LGALS8: variants seen among roughly 807,000 people sequenced by gnomAD.
The protein encoded by LGALS8 is galectin-8.
In LGALS8, 30 loss-of-function variants were observed where a neutral mutation model predicts 35.9. The observed-to-expected ratio is 0.83, with a 90% CI of 0.62 to 1.13. The LOEUF is 1.13. Among genes scored for constraint, LGALS8 ranks in the 50% most tolerant of loss-of-function variants. The probability of loss-of-function intolerance (pLI) is 0.00; values close to 1 mark genes in which losing one functional copy is unlikely to be tolerated. For missense variants in LGALS8, 366 were observed against 388.7 expected (o/e 0.94, Z 0.49); for synonymous variants, 138 against 136.1 (o/e 1.01, Z -0.10).
rs1181035827 is a variant in LGALS8, at chr1:236,550,239, T to TGTGTGAGCAGCCAG, written c.*2087_*2100dup. On this transcript the variant is annotated 3_prime_UTR_variant, in exon 10 of 10. Transcript: ENST00000366584. ...TGCCACCCAGTGTTTCTGGGCCCTC[T>TGTGTGAGCAGCCAG]GTGTGAGCAGCCAGGTGTGAGCTGT... 1 of 152,218 alleles carries TGTGTGAGCAGCCAG rather than the reference T, an allele frequency of 6.6e-6. No individual in the cohort carries two copies. Among genetic ancestry groups the TGTGTGAGCAGCCAG allele is most frequent in the African/African-American group, 2.4e-5 (1 of 41,434 alleles). 9.4% of individuals were successfully genotyped at this position (152,218 alleles called of 1,614,324 possible).
Position 236,544,927 on chromosome 1 carries a change from GT to G in LGALS8, c.804+17del. 1 of 1,588,316 alleles carries G rather than the reference GT, an allele frequency of 6.3e-7. No homozygotes were observed. The highest frequency in any genetic ancestry group is 8.6e-7 in the Non-Finnish European group (1 of 1,164,980). The stretch of plus-strand genomic sequence containing the variant: ...GGATGTACTTTGAGGTGAGGTTACA[GT>G]TTTTGAAAATGGGACAGCAATAAGA... On this transcript the variant is annotated intron_variant, in intron 9 of 9. Transcript: ENST00000366584.
At chr1:236,521,828 C>G (rs1021500110), upstream of LGALS8, among the ~76,000 whole-genome samples, 1 of 104,294 alleles carries the variant, frequency 9.6e-6, no homozygotes, top group African/African-American at 4.0e-5. Context: ...GTGAGACTGC[C>G]TCAAAAAAAA....
At chr1:236,531,481 C>T (rs1173926805) in intron 2 of LGALS8, among the ~76,000 whole-genome samples, 1 of 152,090 alleles carries the variant, frequency 6.6e-6, no homozygotes, top group African/African-American at 2.4e-5. Context: ...CCGCCACCCA[C>T]GCCTGGCTAA....
At chr1:236,543,439 T>C (rs745985094) in intron 7 of LGALS8, 121 bp from the exon 8 acceptor site, 1 of 797,194 alleles carries the variant, frequency 1.3e-6, no homozygotes, top group Non-Finnish European at 2.2e-6. Context: ...AGACTGTCTC[T>C]CCCCTCCTGG....
upstream of LGALS8, chr1:236,523,941 C>G (rs1255146640): frequency 2.7e-6 from 1 of 364,762 alleles, no homozygotes; most frequent in Admixed American, 3.5e-5. Context: ...GGGAAGTGAA[C>G]GAGGACTGAC....
At chr1:236,539,673 A>T (rs28706215) in intron 4 of LGALS8, among the ~76,000 whole-genome samples, 92,762 of 151,848 alleles carry the variant, frequency 0.61, 29,230 homozygotes, top group Non-Finnish European at 0.69. Flanking sequence ...CAGTAGAGGT[A>T]TGTACCAACG....
At chr1:236,542,626 C>T in intron 6 of LGALS8, 135 bp from the exon 7 acceptor site, 1 of 858,312 alleles carries the variant, frequency 1.2e-6, no homozygotes, top group Non-Finnish European at 2.0e-6. Context: ...CACCAGCTGC[C>T]TGGAGGTCAC....
chr1:236,536,233 G>A (rs1313658112), intron 2 of LGALS8: 1 of 152,178 alleles, frequency 6.6e-6, no homozygotes, highest in Non-Finnish European at 1.5e-5. Context: ...ACCTTGGGTA[G>A]GTTTTACCAT....
chr1:236,537,589 A>G lies in LGALS8; in HGVS notation c.134+4A>G, dbSNP rs757966095. Reference sequence around the variant, plus strand: ...ATGTTCCTAGTGACGCAGACAGGTAAAATCACTGTGCTAAAGGAAGGAGCA... The same window carrying G: ...ATGTTCCTAGTGACGCAGACAGGTAGAATCACTGTGCTAAAGGAAGGAGCA... On this transcript the variant is annotated splice_donor_region_variant and intron_variant, in intron 3 of 9. Transcript: ENST00000366584. 8.2e-6 allele frequency: 13 copies of G among 1,581,022 alleles called. No individual in the cohort carries two copies. The highest frequency in any genetic ancestry group is 1.1e-5 in the South Asian group (1 of 90,532).
intron 2 of LGALS8, among the ~76,000 whole-genome samples, chr1:236,535,491 T>C (rs539102397): frequency 6.6e-6 from 1 of 152,338 alleles, no homozygotes; most frequent in African/African-American, 2.4e-5. Flanking sequence ...ACTTGTGTTA[T>C]TAAATATTCT....
At chr1:236,528,545 A>ATTTTTTTTTT (rs1558155850) in intron 2 of LGALS8, among the ~76,000 whole-genome samples, 1 of 68,426 alleles carries the variant, frequency 1.5e-5, no homozygotes, top group African/African-American at 5.0e-5. Context: ...TAATGTTTCC[A>ATTTTTTTTTT]ATTTTTTTTT....
Position 236,548,711 on chromosome 1 carries a change from A to T in LGALS8, c.*550A>T, listed in dbSNP as rs751380485. The T allele has an allele frequency of 5.2e-6, 2 of 386,714 alleles. No individual in the cohort carries two copies. Among genetic ancestry groups the T allele is most frequent in the Non-Finnish European group, 9.1e-6 (2 of 219,254 alleles). The allele number at this position is 386,714 out of a possible 1,614,324, so 24.0% of individuals were successfully genotyped here. On this transcript the variant is annotated 3_prime_UTR_variant, in exon 10 of 10. Transcript: ENST00000366584. ...AGAAGACACAACTCCTTCCCCAGTG[A>T]TCACTGTCATAACCAGTGCTCTACC...
rs771426487 is a variant in LGALS8 at position 236,544,730 on chromosome 1, TTTTC to T, written c.639-10_639-7del. ...CTACTTGGTTAATTAAGGTTTTTTT[TTTTC>T]TTTCTTTCTCAAAAGCTTTAATGTT... On this transcript the variant is annotated splice_polypyrimidine_tract_variant and intron_variant, in intron 8 of 9. Transcript: ENST00000366584. 58 of 1,571,196 alleles carry T rather than the reference TTTTC, an allele frequency of 3.7e-5. No individual in the cohort carries two copies. The highest frequency in any genetic ancestry group is 5.5e-5 in the African/African-American group (4 of 72,426).
intron 2 of LGALS8, 29 bp from the exon 3 acceptor site, chr1:236,537,468 A>C (rs765343480): frequency 8.7e-6 from 12 of 1,384,576 alleles, no homozygotes; most frequent in Non-Finnish European, 1.1e-5. Context: ...GTTTATGTAA[A>C]CGTACATTTG....
At chr1:236,542,835 T>C in intron 7 of LGALS8, 48 bp downstream of exon 7, 1 of 1,614,102 alleles carries the variant, frequency 6.2e-7, no homozygotes. Flanking sequence ...TTTATAAAGT[T>C]GCATAGAAAA....
At chr1:236,529,622 GT>G (rs11316979) in intron 2 of LGALS8, among the ~76,000 whole-genome samples, 76,736 of 114,628 alleles carry the variant, frequency 0.67, 24,971 homozygotes, top group Admixed American at 0.72. Context: ...TTCCTTTTCT[GT>G]TTTTTTTTTT....
intron 2 of LGALS8, among the ~76,000 whole-genome samples, chr1:236,528,179 A>G (rs1660925374): frequency 6.6e-6 from 1 of 152,094 alleles, no homozygotes; most frequent in Admixed American, 6.5e-5. Context: ...TCAGGAGTTC[A>G]AGACCAGCCT....
Position 236,544,374 on chromosome 1 carries a change from A to G in LGALS8, c.639-376A>G, listed in dbSNP as rs186577538. Among the ~76,000 whole-genome samples the G allele has an allele frequency of 5.1e-3, 767 of 150,138 alleles. 6 individuals carry two copies. Among genetic ancestry groups the G allele is most frequent in the Non-Finnish European group, 5.9e-3 (399 of 67,980 alleles). ...TTAGAGCTATTTCCTAGAAAGTGGCATACTTTCAAGAAGGAAGGAACACGG... is the reference window on the plus strand; with the variant it reads ...TTAGAGCTATTTCCTAGAAAGTGGCGTACTTTCAAGAAGGAAGGAACACGG... On this transcript the variant is annotated intron_variant, in intron 8 of 9. Coordinates refer to ENST00000366584, the MANE Select transcript of LGALS8 (RefSeq NM_201544.4).
At chr1:236,546,094 T>C (rs1442485284) in intron 9 of LGALS8, among the ~76,000 whole-genome samples, 1 of 152,186 alleles carries the variant, frequency 6.6e-6, no homozygotes, top group Non-Finnish European at 1.5e-5. Flanking sequence ...AATGATACAT[T>C]CAAATAATGC....
Sources: gnomAD v4.1 joint callset for allele counts (sites outside exome capture counted in the v4.1 genomes callset) on GRCh38, gnomAD v4.1.1 for gene constraint, MANE v1.5 for transcripts, NCBI Gene and HGNC (gene_info 2026-07-23, HGNC 2026-07-21) for gene names.